Variants in FSTL5 observed in about 807,000 individuals in gnomAD.
FSTL5 encodes follistatin like 5.
In FSTL5, 62 loss-of-function variants were observed where a neutral mutation model predicts 89.1. The observed-to-expected ratio is 0.70, with a 90% CI of 0.57 to 0.86. FSTL5 has a LOEUF of 0.86. Ranked by LOEUF, FSTL5 falls within the 40% of genes least tolerant of loss-of-function variation. The probability of loss-of-function intolerance (pLI) is 0.00; values close to 1 mark genes in which losing one functional copy is unlikely to be tolerated. For missense variants in FSTL5, 1,057 were observed against 1,001.6 expected, an observed-to-expected ratio of 1.06 and a Z score of -0.75; for synonymous variants, 383 against 346.2, an observed-to-expected ratio of 1.11 and a Z score of -1.18.
At chr4:162,152,183 G>T (rs1289413171) in intron 1 of FSTL5, among the ~76,000 whole-genome samples, 1 of 152,186 alleles carries the variant, frequency 6.6e-6, no homozygotes, top group East Asian at 1.9e-4. Context: ...ATAAACAGTT[G>T]CAGAGGGTAT....
chr4:162,158,014 T>C (rs1167126729), intron 1 of FSTL5, among the ~76,000 whole-genome samples: 1 of 152,154 alleles, frequency 6.6e-6, no homozygotes, highest in Non-Finnish European at 1.5e-5. Context: ...TCCTTAGTGC[T>C]GTGCCTCAAA....
chr4:161,461,288 C>CAAAAA lies in FSTL5; in HGVS notation c.1609-1974_1609-1970dup, dbSNP rs781313697. On this transcript the variant is annotated intron_variant, in intron 13 of 15. Transcript: ENST00000306100. Reference sequence around the variant, plus strand: ...CGAAACCCCGTCTCTACTAAAAATACAAAAAAAACAAACAAACAAAAAAAT... The same window carrying CAAAAA: ...CGAAACCCCGTCTCTACTAAAAATACAAAAAAAAAAAAACAAACAAACAAAAAAAT... Among the ~76,000 whole-genome samples, 272 of 72,614 alleles carry CAAAAA rather than the reference C, an allele frequency of 3.7e-3. 10 individuals are homozygous for CAAAAA. The highest frequency in any genetic ancestry group is 0.016 in the African/African-American group (237 of 14,870). The allele number at this position is 72,614 out of a possible 152,430, so 47.6% of individuals were successfully genotyped here. A position where few individuals can be genotyped will look rare whatever the true frequency, so the allele number is the denominator to read the frequency against.
intron 15 of FSTL5, among the ~76,000 whole-genome samples, chr4:161,424,150 T>C (rs559296447): frequency 4.6e-5 from 7 of 150,734 alleles, no homozygotes; most frequent in African/African-American, 1.5e-4. Context: ...GTGCTGGGAT[T>C]ACAGGCCTGA....
At chr4:161,755,176 C>T (rs1333772184) in intron 6 of FSTL5, among the ~76,000 whole-genome samples, 1 of 151,688 alleles carries the variant, frequency 6.6e-6, no homozygotes, top group African/African-American at 2.4e-5. Flanking sequence ...TTGAAGCACA[C>T]AATAAGGATT....
chr4:161,603,048 A>G (rs1734304555), intron 7 of FSTL5, among the ~76,000 whole-genome samples: 1 of 152,194 alleles, frequency 6.6e-6, no homozygotes, highest in Non-Finnish European at 1.5e-5. Context: ...TCAATGTGAA[A>G]GTAAAATGCA....
intron 1 of FSTL5, among the ~76,000 whole-genome samples, chr4:162,113,457 C>T (rs1173185282): frequency 6.6e-6 from 1 of 152,094 alleles, no homozygotes; most frequent in Non-Finnish European, 1.5e-5. Context: ...TTCCACATTT[C>T]TATATATGCA....
intron 6 of FSTL5, among the ~76,000 whole-genome samples, chr4:161,683,574 A>C (rs1737599803): frequency 6.6e-6 from 1 of 152,098 alleles, no homozygotes; most frequent in African/African-American, 2.4e-5. Flanking sequence ...TCCTCTATGG[A>C]AAAGTCCATA....
At chr4:161,738,413 A>G (rs1217180608) in intron 6 of FSTL5, among the ~76,000 whole-genome samples, 5 of 152,084 alleles carry the variant, frequency 3.3e-5, no homozygotes, top group Non-Finnish European at 5.9e-5. Flanking sequence ...ATTTTCCTCA[A>G]TGACAAAATA....
intron 6 of FSTL5, among the ~76,000 whole-genome samples, chr4:161,716,553 T>C (rs1212924113): frequency 1.3e-5 from 2 of 152,026 alleles, no homozygotes; most frequent in Non-Finnish European, 2.9e-5. Context: ...TCCGAGATCA[T>C]GCCACTGCAC....
intron 15 of FSTL5, among the ~76,000 whole-genome samples, chr4:161,390,254 C>G (rs554822402): frequency 1.3e-5 from 2 of 152,166 alleles, no homozygotes; most frequent in African/African-American, 2.4e-5. Context: ...CTCGGCTTAC[C>G]CAAGAATTTT....
intron 10 of FSTL5, among the ~76,000 whole-genome samples, chr4:161,521,674 C>A (rs764460884): frequency 1.3e-5 from 2 of 151,566 alleles, no homozygotes; most frequent in Non-Finnish European, 2.9e-5. Flanking sequence ...CGGTGAAACC[C>A]CGTCTCTACT....
chr4:161,439,951 G>C (rs1027378888), intron 15 of FSTL5, among the ~76,000 whole-genome samples: 1 of 152,134 alleles, frequency 6.6e-6, no homozygotes, highest in African/African-American at 2.4e-5. Flanking sequence ...CCCCTGGTCA[G>C]GCACATTTTC....
chr4:161,806,204 A>C (rs1281896952), intron 4 of FSTL5, among the ~76,000 whole-genome samples: 1 of 152,152 alleles, frequency 6.6e-6, no homozygotes, highest in Non-Finnish European at 1.5e-5. Flanking sequence ...ATTATTAAAC[A>C]ATATTTTATA....
At chr4:161,828,718 T>C (rs544976380) in intron 4 of FSTL5, among the ~76,000 whole-genome samples, 1 of 152,176 alleles carries the variant, frequency 6.6e-6, no homozygotes. Context: ...TGATATTTAA[T>C]AAATAATAGA....
At chr4:161,528,046 C>T (rs561873263) in intron 10 of FSTL5, among the ~76,000 whole-genome samples, 2 of 149,792 alleles carry the variant, frequency 1.3e-5, no homozygotes, top group Non-Finnish European at 2.9e-5. Flanking sequence ...ATGGCAAGAA[C>T]AAAAAACCAA....
intron 3 of FSTL5, among the ~76,000 whole-genome samples, chr4:161,934,640 C>G (rs1315985032): frequency 6.6e-6 from 1 of 151,342 alleles, no homozygotes; most frequent in African/African-American, 2.4e-5. Flanking sequence ...TTTCTTTTTG[C>G]TTTAATTTTC....
At chr4:161,495,312 A>G (rs912531351) in intron 12 of FSTL5, 5 of 152,182 alleles carry the variant, frequency 3.3e-5, no homozygotes, top group African/African-American at 1.2e-4. Flanking sequence ...GTAGAAAACC[A>G]GAAGAGTGAC....
intron 7 of FSTL5, among the ~76,000 whole-genome samples, chr4:161,622,494 C>G (rs1421517099): frequency 6.6e-6 from 1 of 151,788 alleles, no homozygotes; most frequent in Admixed American, 6.6e-5. Context: ...TAATAAAATA[C>G]TAGCAATTGA....
chr4:161,954,471 C>A (rs138520418), intron 3 of FSTL5, among the ~76,000 whole-genome samples: 14 of 151,354 alleles, frequency 9.2e-5, no homozygotes, highest in Non-Finnish European at 1.8e-4. Context: ...ATGTTTATTT[C>A]TCTTCATCCC....
Sources: gnomAD v4.1 joint callset for allele counts (sites outside exome capture counted in the v4.1 genomes callset) on GRCh38, gnomAD v4.1.1 for gene constraint, MANE v1.5 for transcripts, NCBI Gene and HGNC (gene_info 2026-07-23, HGNC 2026-07-21) for gene names.